Variants in AGO3 observed in about 807,000 individuals in gnomAD.
AGO3 encodes argonaute RISC catalytic component 3, also known as protein argonaute-3.
Under a neutral mutation model 105.5 loss-of-function variants are expected in AGO3, and 16 were observed. The observed-to-expected ratio is 0.15, with a 90% confidence interval of 0.10 to 0.23. The LOEUF (loss-of-function observed/expected upper bound fraction) is 0.23, where lower values mean the gene tolerates loss of function less well. Ranked by LOEUF, AGO3 falls within the 10% of genes least tolerant of loss-of-function variation. AGO3 has a pLI of 1.00. For missense variants in AGO3, 534 were observed against 1,088.0 expected (o/e 0.49, Z 7.16); for synonymous variants, 340 against 367.3 (o/e 0.93, Z 0.85).
intron 5 of AGO3, among the ~76,000 whole-genome samples, chr1:35,979,651 T>C (rs1400144458): frequency 3.3e-5 from 5 of 152,180 alleles, no homozygotes; most frequent in African/African-American, 1.2e-4. Flanking sequence ...TTCCATTTTC[T>C]GAATGTTGCT....
chr1:35,954,616 A>G (rs1646532177), intron 2 of AGO3, among the ~76,000 whole-genome samples: 1 of 152,202 alleles, frequency 6.6e-6, no homozygotes, highest in Admixed American at 6.5e-5. Context: ...AATCTTCTCT[A>G]TGTTTTCATT....
chr1:35,945,152 G>A (rs527545384), intron 1 of AGO3, among the ~76,000 whole-genome samples: 2 of 151,676 alleles, frequency 1.3e-5, no homozygotes, highest in South Asian at 4.2e-4. Context: ...AATTGATTCT[G>A]TACTTTCTTG....
At chr1:35,958,794 T>C (rs1379992211) in intron 2 of AGO3, among the ~76,000 whole-genome samples, 1 of 152,206 alleles carries the variant, frequency 6.6e-6, no homozygotes, top group Non-Finnish European at 1.5e-5. Context: ...AAGTTAGAGA[T>C]TGGAAGGATA....
chr1:36,058,381 G>A lies in AGO3; in HGVS notation c.*2636G>A, dbSNP rs1642983509. The A allele has an allele frequency of 6.6e-6, 1 of 151,596 alleles. No homozygotes were observed. Among genetic ancestry groups the A allele is most frequent in the Non-Finnish European group, 1.5e-5 (1 of 67,964 alleles). The allele number at this position is 151,596 out of a possible 1,614,324, so 9.4% of individuals were successfully genotyped here. A position where few individuals can be genotyped will look rare whatever the true frequency, so the allele number is the denominator to read the frequency against. On this transcript the variant is annotated 3_prime_UTR_variant, in exon 19 of 19. Coordinates refer to ENST00000373191, the MANE Select transcript of AGO3 (RefSeq NM_024852.4). Reference sequence around the variant, plus strand: ...AAAGCTATCAAAACTGAGTTTATCAGTAACATTGGATTCAGGGGAGCTTTG... The same window carrying A: ...AAAGCTATCAAAACTGAGTTTATCAATAACATTGGATTCAGGGGAGCTTTG...
intron 2 of AGO3, among the ~76,000 whole-genome samples, chr1:35,950,980 A>G (rs1646460455): frequency 6.6e-6 from 1 of 152,020 alleles, no homozygotes; most frequent in Non-Finnish European, 1.5e-5. Context: ...TTTTTTAGAC[A>G]GAGTCTTACT....
At chr1:35,944,626 A>G (rs1646326978) in intron 1 of AGO3, among the ~76,000 whole-genome samples, 1 of 136,272 alleles carries the variant, frequency 7.3e-6, no homozygotes, top group Non-Finnish European at 1.5e-5. Context: ...TCAGCCTGCT[A>G]AGTAGCTGGA....
In AGO3 at chr1:36,047,849, A is replaced by G. The variant is rs1569937050; in HGVS notation, c.2274+4301A>G. Among the ~76,000 whole-genome samples, 9 of 152,024 alleles carry G rather than the reference A, an allele frequency of 5.9e-5. No individual in the cohort carries two copies. The South Asian group carries it at 1.9e-3, about 32-fold the overall frequency. On this transcript the variant is annotated intron_variant, in intron 17 of 18. Transcript: ENST00000373191. The stretch of plus-strand genomic sequence containing the variant: ...AGCTGAGATCACACCACTACACTCT[A>G]GCCTGGGATGACAGAGTGAGGCCCT...
chr1:35,980,614 G>GGAATT (rs760686730), intron 5 of AGO3, among the ~76,000 whole-genome samples: 9 of 152,116 alleles, frequency 5.9e-5, no homozygotes, highest in Non-Finnish European at 1.2e-4. Flanking sequence ...GGCTAGATGT[G>GGAATT]GAATTGTTGG....
intron 16 of AGO3, chr1:36,043,189 A>G (rs1012892778): frequency 2.6e-6 from 1 of 378,536 alleles, no homozygotes; most frequent in Non-Finnish European, 4.7e-6. Context: ...TCTTCCACCC[A>G]TAGTGGGGTC....
At chr1:35,970,603 G>A (rs547597045) in intron 3 of AGO3, among the ~76,000 whole-genome samples, 65 of 151,924 alleles carry the variant, frequency 4.3e-4, no homozygotes, top group Non-Finnish European at 7.9e-4. Flanking sequence ...GTGTTCAAGA[G>A]TTACTTGAAT....
In AGO3 at chr1:35,973,385, G is replaced by A; in HGVS notation, c.532G>A (p.Val178Met). ...RHLPSMKYTP[V>M]GRSFFSAPEG... is the part of the protein sequence containing the mutation. ...TTTTAATTTTTGTAGATACACACCTGTGGGGCGTTCATTTTTCTCCGCTCC... is the reference window on the plus strand; with the variant it reads ...TTTTAATTTTTGTAGATACACACCTATGGGGCGTTCATTTTTCTCCGCTCC... Residue 178 changes from valine (V) to methionine (M), a missense_variant, in exon 5 of 19, where the codon GTG becomes ATG. Val to Met is a conservative substitution (Grantham distance 21). Transcript: ENST00000373191. 1.9e-6 allele frequency: 3 copies of A among 1,578,788 alleles called. No homozygotes were observed. Among genetic ancestry groups the A allele is most frequent in the Non-Finnish European group, 2.6e-6 (3 of 1,158,806 alleles).
chr1:35,964,807 A>T (rs1646742988), intron 2 of AGO3, among the ~76,000 whole-genome samples: 2 of 152,028 alleles, frequency 1.3e-5, no homozygotes, highest in African/African-American at 2.4e-5. Flanking sequence ...TGACTTTTTA[A>T]TAGTAGCCAT....
chr1:35,970,420 T>C (rs1220961651), intron 3 of AGO3, among the ~76,000 whole-genome samples: 2 of 152,228 alleles, frequency 1.3e-5, no homozygotes, highest in Admixed American at 6.5e-5. Context: ...GTTAGATTCC[T>C]GGCTCCTCAA....
chr1:36,057,409 T>G lies in AGO3; in HGVS notation c.*1664T>G, dbSNP rs1569972523. On this transcript the variant is annotated 3_prime_UTR_variant, in exon 19 of 19. Transcript: ENST00000373191. ...GTTTGGAAGTATAGCTTCCTTTTCT[T>G]TTATATTTATTAGAATAGTGCTTTA... The G allele has an allele frequency of 6.6e-6, 1 of 152,214 alleles. No homozygotes were observed. The highest frequency in any genetic ancestry group is 3.4e-3 in the Middle Eastern group (1 of 294). The allele number at this position is 152,214 out of a possible 1,614,324, so 9.4% of individuals were successfully genotyped here. A position where few individuals can be genotyped will look rare whatever the true frequency, so the allele number is the denominator to read the frequency against.
chr1:35,941,352 C>T (rs1646251077), intron 1 of AGO3, among the ~76,000 whole-genome samples: 1 of 151,944 alleles, frequency 6.6e-6, no homozygotes, highest in African/African-American at 2.4e-5. Context: ...GACTGGTCTC[C>T]CTGCTTGTAC....
intron 6 of AGO3, chr1:36,005,710 C>G: frequency 2.0e-6 from 2 of 985,298 alleles, no homozygotes; most frequent in Non-Finnish European, 2.4e-6. Context: ...TATCACCACT[C>G]TATCACAGAA....
At chr1:35,963,769 A>G (rs1487095405) in intron 2 of AGO3, among the ~76,000 whole-genome samples, 1 of 152,186 alleles carries the variant, frequency 6.6e-6, no homozygotes, top group African/African-American at 2.4e-5. Context: ...CGGGAATGGA[A>G]AGTAAAGGAC....
intron 2 of AGO3, among the ~76,000 whole-genome samples, chr1:35,958,632 A>C (rs185947797): frequency 2.6e-5 from 4 of 151,302 alleles, no homozygotes; most frequent in African/African-American, 9.8e-5. Flanking sequence ...CAGCCTGGGC[A>C]TCAGAGCCAG....
At chr1:36,002,324 A>T (rs989870326) in intron 5 of AGO3, among the ~76,000 whole-genome samples, 4 of 119,232 alleles carry the variant, frequency 3.4e-5, no homozygotes, top group African/African-American at 7.2e-5. Context: ...AGCCAAGATA[A>T]TTTTTTTTTT....
Sources: allele counts gnomAD v4.1 joint callset (sites outside exome capture counted in the v4.1 genomes callset), GRCh38; gene constraint gnomAD v4.1.1; transcripts MANE v1.5; gene names NCBI Gene and HGNC (gene_info 2026-07-23, HGNC 2026-07-21).